Variants in DNAJB6 observed in about 807,000 individuals in gnomAD.
DNAJB6 encodes the protein DnaJ heat shock protein family (Hsp40) member B6, also known as dnaJ homolog subfamily B member 6.
A neutral mutation model predicts 42.7 loss-of-function variants in DNAJB6; 16 were observed. The ratio of observed to expected loss-of-function variants is 0.37; its 90% CI spans 0.25 to 0.57. The LOEUF is 0.57. DNAJB6 is among the 20% of genes least tolerant of loss of function. The pLI, the probability that DNAJB6 is intolerant of heterozygous loss-of-function variation, is 0.74. For synonymous variants in DNAJB6, 170 were observed against 163.5 expected (o/e 1.04, Z -0.30); for missense variants, 347 against 416.8 (o/e 0.83, Z 1.46).
At chr7:157,354,607 A>G (rs1244639849) in intron 1 of DNAJB6, among the ~76,000 whole-genome samples, 1 of 151,984 alleles carries the variant, frequency 6.6e-6, no homozygotes, top group African/African-American at 2.4e-5. Context: ...ACAAAGTGCC[A>G]GGATTACAGG....
intron 8 of DNAJB6, among the ~76,000 whole-genome samples, chr7:157,398,375 CAAA>C (rs1243332800): frequency 6.6e-6 from 1 of 152,048 alleles, no homozygotes; most frequent in African/African-American, 2.4e-5. Flanking sequence ...CCTCTCTCCC[CAAA>C]AAAAGTCAAA....
chr7:157,390,193 G>A (rs529617899), intron 8 of DNAJB6, among the ~76,000 whole-genome samples: 6 of 151,956 alleles, frequency 3.9e-5, no homozygotes, highest in Non-Finnish European at 8.8e-5. Flanking sequence ...GGAGTGTAGA[G>A]CAGAGGCTTA....
chr7:157,348,751 G>T (rs1300724162), intron 1 of DNAJB6, among the ~76,000 whole-genome samples: 2 of 152,034 alleles, frequency 1.3e-5, no homozygotes, highest in African/African-American at 4.8e-5. Context: ...AAATTCTTCA[G>T]TTGCGCCCTG....
At chr7:157,368,129 C>T (rs1176615657) in intron 5 of DNAJB6, among the ~76,000 whole-genome samples, 1 of 152,130 alleles carries the variant, frequency 6.6e-6, no homozygotes, top group Non-Finnish European at 1.5e-5. Context: ...AATAAAACAG[C>T]ACAGTAGCTG....
intron 8 of DNAJB6, among the ~76,000 whole-genome samples, chr7:157,387,597 C>G (rs1801134053): frequency 6.6e-6 from 1 of 152,168 alleles, no homozygotes. Flanking sequence ...AATGAAAAGT[C>G]TTTACCTGTA....
intron 8 of DNAJB6, among the ~76,000 whole-genome samples, chr7:157,408,021 T>C (rs1031162850): frequency 6.6e-6 from 1 of 152,108 alleles, no homozygotes; most frequent in Non-Finnish European, 1.5e-5. Context: ...ACTCACGTCA[T>C]AGAATCGCAG....
At chr7:157,347,560 G>C (rs565869165) in intron 1 of DNAJB6, among the ~76,000 whole-genome samples, 3 of 152,106 alleles carry the variant, frequency 2.0e-5, no homozygotes, top group Non-Finnish European at 2.9e-5. Flanking sequence ...ATTCCTTTGA[G>C]CCCCCGTTTC....
chr7:157,372,110 TA>T (rs1800239410), intron 5 of DNAJB6: 1 of 152,654 alleles, frequency 6.6e-6, no homozygotes, highest in African/African-American at 2.4e-5. Flanking sequence ...GACCTGTGAT[TA>T]AATTATGATA....
chr7:157,398,065 AGCCGGGTTCC>A (rs1801681528), intron 8 of DNAJB6, among the ~76,000 whole-genome samples: 1 of 152,204 alleles, frequency 6.6e-6, no homozygotes, highest in Non-Finnish European at 1.5e-5. Context: ...CTGTGTTTGA[AGCCGGGTTCC>A]TAGCGTTTCC....
chr7:157,340,343 G>C (rs1033730321), intron 1 of DNAJB6, among the ~76,000 whole-genome samples: 1 of 152,140 alleles, frequency 6.6e-6, no homozygotes, highest in Non-Finnish European at 1.5e-5. Flanking sequence ...AGTAAGAGTA[G>C]GATCAGTGGC....
intron 1 of DNAJB6, among the ~76,000 whole-genome samples, chr7:157,349,607 C>T (rs1356834374): frequency 1.3e-5 from 2 of 152,082 alleles, no homozygotes; most frequent in African/African-American, 4.8e-5. Context: ...CTCAGCCTCC[C>T]GAGTAGCTGG....
chr7:157,347,486 T>A (rs1262879991), intron 1 of DNAJB6, among the ~76,000 whole-genome samples: 2 of 152,160 alleles, frequency 1.3e-5, no homozygotes, highest in African/African-American at 4.8e-5. Context: ...GGACTTTAGG[T>A]GCACGTGACT....
At chr7:157,342,041 A>G (rs773292575) in intron 1 of DNAJB6, among the ~76,000 whole-genome samples, 2 of 151,782 alleles carry the variant, frequency 1.3e-5, no homozygotes, top group South Asian at 2.1e-4. Flanking sequence ...TAATTGTTGT[A>G]TATTTAGTAG....
At chr7:157,363,370 G>T (rs756884564) in intron 3 of DNAJB6, 100 bp downstream of exon 3, 26 of 707,830 alleles carry the variant, frequency 3.7e-5, no homozygotes, top group Admixed American at 5.8e-5. Flanking sequence ...GGACTCAAGT[G>T]ACTTGTTTTT....
intron 5 of DNAJB6, chr7:157,369,345 T>G (rs976555299): frequency 2.2e-6 from 1 of 456,694 alleles, no homozygotes; most frequent in Admixed American, 2.3e-5. Flanking sequence ...GCAAACTGCA[T>G]TTGTTGCTTT....
rs558630436 is a variant in DNAJB6, at chr7:157,344,611, TA to T, written c.-27+7476del. Among the ~76,000 whole-genome samples the T allele has an allele frequency of 4.7e-3, 710 of 152,128 alleles. 5 individuals are homozygous for T. The highest frequency in any genetic ancestry group is 0.015 in the African/African-American group (630 of 41,486). ...ATTATTTGTTTTTTTATTTTTTATT[TA>T]AAAAAAAATTTATTATTTTTGTGAC... On this transcript the variant is annotated intron_variant, in intron 1 of 9. Transcript: ENST00000262177.
chr7:157,349,463 C>T (rs908989615), intron 1 of DNAJB6, among the ~76,000 whole-genome samples: 1 of 150,854 alleles, frequency 6.6e-6, no homozygotes, highest in African/African-American at 2.4e-5. Flanking sequence ...TTAGAAAAGA[C>T]CAGGGGACTT....
chr7:157,401,001 C>T (rs1209310446), intron 8 of DNAJB6, among the ~76,000 whole-genome samples: 1 of 152,172 alleles, frequency 6.6e-6, no homozygotes, highest in Non-Finnish European at 1.5e-5. Context: ...AAAACCACTC[C>T]TGAGAGGGAC....
chr7:157,404,440 C>T (rs1203836276), intron 8 of DNAJB6, among the ~76,000 whole-genome samples: 2 of 148,292 alleles, frequency 1.3e-5, no homozygotes, highest in Non-Finnish European at 3.0e-5. Flanking sequence ...TGTAGGCGTG[C>T]AACAGCGCAC....
Sources: allele counts gnomAD v4.1 joint callset (sites outside exome capture counted in the v4.1 genomes callset), GRCh38; gene constraint gnomAD v4.1.1; transcripts MANE v1.5; gene names NCBI Gene and HGNC (gene_info 2026-07-23, HGNC 2026-07-21).